The following PLXDC2 variants were observed in gnomAD, a reference collection of about 807,000 sequenced individuals.
PLXDC2 encodes plexin domain containing 2.
Under a neutral mutation model 68.9 loss-of-function variants are expected in PLXDC2, and 40 were observed. That is an observed-to-expected ratio of 0.58 (90% CI 0.45 to 0.76). The LOEUF (loss-of-function observed/expected upper bound fraction) is 0.76, where lower values mean the gene tolerates loss of function less well. Ranked by LOEUF, PLXDC2 falls within the 30% of genes least tolerant of loss-of-function variation. The pLI, the probability that PLXDC2 is intolerant of heterozygous loss-of-function variation, is 0.00. For missense variants in PLXDC2, 644 were observed against 661.9 expected, an observed-to-expected ratio of 0.97 and a Z score of 0.30; for synonymous variants, 243 against 234.2, an observed-to-expected ratio of 1.04 and a Z score of -0.34.
chr10:20,098,357 ATGTG>A (rs35209594), intron 4 of PLXDC2, among the ~76,000 whole-genome samples: 16 of 145,492 alleles, frequency 1.1e-4, no homozygotes, highest in Admixed American at 5.5e-4. Flanking sequence ...GTGTGTGTGT[ATGTG>A]TGTGTGTGTG....
chr10:20,177,058 A>T lies in PLXDC2; in HGVS notation c.943A>T (p.Thr315Ser). ...AGTAGAGCTACAAATGTCAAAAATT[A>T]CCAACATTTCGGCTGTGGAGATGAC... ...HRVELQMSKI[T>S]NISAVEMTPL... Residue 315 changes from threonine (T) to serine (S), a missense_variant, in exon 8 of 14, where the codon ACC becomes TCC. By Grantham distance (58) the Thr-to-Ser change is moderately conservative. This residue lies in a region of PLXDC2 where 330 missense variants were observed against 327.9 expected (regional missense o/e 1.01). Transcript: ENST00000377252. The T allele has an allele frequency of 6.2e-7, 1 of 1,612,186 alleles. No homozygotes were observed. Among genetic ancestry groups the T allele is most frequent in the Non-Finnish European group, 8.5e-7 (1 of 1,178,980 alleles).
intron 1 of PLXDC2, among the ~76,000 whole-genome samples, chr10:19,834,334 A>T (rs1287246493): frequency 5.1e-5 from 4 of 77,780 alleles, no homozygotes; most frequent in African/African-American, 1.1e-4. Flanking sequence ...AGAGGTAGAG[A>T]GAGAGAGAGA....
chr10:20,144,193 T>G (rs1372974192), intron 5 of PLXDC2, among the ~76,000 whole-genome samples: 1 of 152,300 alleles, frequency 6.6e-6, no homozygotes, highest in Middle Eastern at 3.4e-3. Context: ...TATTTATCAT[T>G]CAAAAATGAT....
intron 4 of PLXDC2, among the ~76,000 whole-genome samples, chr10:20,121,971 T>C (rs538465676): frequency 5.3e-5 from 8 of 152,094 alleles, no homozygotes; most frequent in South Asian, 2.1e-4. Context: ...CATGATCGGT[T>C]GCCAAGGAGG....
At chr10:20,014,180 C>A (rs919342995) in intron 2 of PLXDC2, among the ~76,000 whole-genome samples, 3 of 131,630 alleles carry the variant, frequency 2.3e-5, no homozygotes, top group Non-Finnish European at 5.5e-5. Flanking sequence ...TCCTTCCTTC[C>A]CTCCCTCCCT....
At chr10:19,987,785 C>T (rs745856315) in intron 1 of PLXDC2, among the ~76,000 whole-genome samples, 1 of 151,630 alleles carries the variant, frequency 6.6e-6, no homozygotes, top group East Asian at 1.9e-4. Context: ...AGGATGGTCT[C>T]GATCGATCTC....
intron 1 of PLXDC2, among the ~76,000 whole-genome samples, chr10:19,988,359 T>TC (rs1377608050): frequency 6.6e-6 from 1 of 152,182 alleles, no homozygotes; most frequent in Non-Finnish European, 1.5e-5. Flanking sequence ...TACTTTTTTT[T>TC]CCTTAACCAT....
intron 7 of PLXDC2, among the ~76,000 whole-genome samples, chr10:20,169,264 T>C (rs1834414605): frequency 6.6e-6 from 1 of 152,190 alleles, no homozygotes; most frequent in Non-Finnish European, 1.5e-5. Context: ...GTTGTACCAG[T>C]TTACTACCCA....
At chr10:20,053,401 G>T (rs538565586) in intron 3 of PLXDC2, among the ~76,000 whole-genome samples, 145 of 152,230 alleles carry the variant, frequency 9.5e-4, no homozygotes, top group African/African-American at 3.3e-3. Context: ...CCTACCATAG[G>T]TAAGCAACGA....
intron 4 of PLXDC2, among the ~76,000 whole-genome samples, chr10:20,134,173 T>A (rs1186005233): frequency 6.6e-6 from 1 of 152,220 alleles, no homozygotes; most frequent in Non-Finnish European, 1.5e-5. Context: ...AGCTTCAAGA[T>A]AATTATTTTC....
At chr10:20,110,712 G>A (rs1353877225) in intron 4 of PLXDC2, among the ~76,000 whole-genome samples, 1 of 152,184 alleles carries the variant, frequency 6.6e-6, no homozygotes, top group Non-Finnish European at 1.5e-5. Flanking sequence ...AGGACCTCAG[G>A]ATTGGGGAAT....
chr10:20,018,585 G>A (rs552331078), intron 2 of PLXDC2, among the ~76,000 whole-genome samples: 8 of 152,148 alleles, frequency 5.3e-5, no homozygotes, highest in East Asian at 1.9e-4. Flanking sequence ...GCTTATAAGC[G>A]GTTTACTACT....
intron 9 of PLXDC2, among the ~76,000 whole-genome samples, chr10:20,205,196 G>T (rs2131851439): frequency 6.6e-6 from 1 of 152,160 alleles, no homozygotes; most frequent in East Asian, 1.9e-4. Context: ...TTTCTAGGCT[G>T]CCTTATTTAA....
At chr10:20,275,069 G>C (rs1835988768) in intron 13 of PLXDC2, among the ~76,000 whole-genome samples, 1 of 152,054 alleles carries the variant, frequency 6.6e-6, no homozygotes, top group Non-Finnish European at 1.5e-5. Context: ...GAAATAGAGA[G>C]AAAAAAATTC....
chr10:20,263,367 G>A (rs1835833002), intron 13 of PLXDC2, among the ~76,000 whole-genome samples: 1 of 152,110 alleles, frequency 6.6e-6, no homozygotes, highest in South Asian at 2.1e-4. Flanking sequence ...TCAAGATGGA[G>A]TAAAGACTTA....
Position 20,211,045 on chromosome 10 carries a change from A to G in PLXDC2, c.1062-624A>G, listed in dbSNP as rs369650804. ...ATAAATCAAATTGTCAGCATAAACTATCTGCATGGCTCAAGACCCGAGGTA... is the reference window on the plus strand; with the variant it reads ...ATAAATCAAATTGTCAGCATAAACTGTCTGCATGGCTCAAGACCCGAGGTA... On this transcript the variant is annotated intron_variant, in intron 9 of 13. Coordinates refer to ENST00000377252, the MANE Select transcript of PLXDC2 (RefSeq NM_032812.9). Among the ~76,000 whole-genome samples the G allele has an allele frequency of 7.2e-5, 11 of 152,248 alleles. No homozygotes were observed. The East Asian group carries it at 1.5e-3, about 21-fold the overall frequency.
At chr10:20,097,766 T>C (rs1341078185) in intron 4 of PLXDC2, among the ~76,000 whole-genome samples, 3 of 152,104 alleles carry the variant, frequency 2.0e-5, no homozygotes. Context: ...TGAGGCAACA[T>C]CTTGCTGAAA....
intron 2 of PLXDC2, among the ~76,000 whole-genome samples, chr10:20,021,268 A>C (rs1835303589): frequency 6.6e-6 from 1 of 151,322 alleles, no homozygotes; most frequent in Admixed American, 6.6e-5. Flanking sequence ...TTTTATTTTT[A>C]AATTTTATTT....
intron 1 of PLXDC2, among the ~76,000 whole-genome samples, chr10:19,876,601 CAAAAAAAAAAAA>C (rs61268790): frequency 6.3e-5 from 4 of 63,968 alleles, no homozygotes; most frequent in East Asian, 4.6e-4. Context: ...GATTCCATCT[CAAAAAAAAAAAA>C]AAAAAAAAAA....
Sources: allele counts gnomAD v4.1 joint callset (sites outside exome capture counted in the v4.1 genomes callset), GRCh38; gene constraint gnomAD v4.1.1; regional missense constraint gnomAD v4.1.1; transcripts MANE v1.5; gene names NCBI Gene and HGNC (gene_info 2026-07-23, HGNC 2026-07-21).